Variants in LINGO2 observed in about 807,000 individuals in gnomAD.
LINGO2 encodes the protein leucine-rich repeat and immunoglobulin-like domain-containing nogo receptor-interacting protein 2.
In LINGO2, 14 loss-of-function variants were observed where a neutral mutation model predicts 30.6. The observed-to-expected ratio is 0.46, with a 90% CI of 0.30 to 0.72. LINGO2 has a LOEUF of 0.72. LINGO2 is among the 30% of genes least tolerant of loss of function. The pLI is 0.07. For synonymous variants in LINGO2, 317 were observed against 288.5 expected (o/e 1.10, Z -1.00); for missense variants, 729 against 751.7 (o/e 0.97, Z 0.35).
the LINGO2 span, among the ~76,000 whole-genome samples, chr9:29,021,759 G>C: frequency 6.7e-6 from 1 of 149,244 alleles, no homozygotes; most frequent in Non-Finnish European, 1.5e-5. Flanking sequence ...GCATTGACTA[G>C]TAATTCTAAG....
chr9:28,769,510 ATATATATATTTTTTTTTTTTTTTTT>A, the LINGO2 span, among the ~76,000 whole-genome samples: 23 of 2,400 alleles, frequency 9.6e-3, 2 homozygotes, highest in East Asian at 0.038. Flanking sequence ...ATATATATAT[ATATATATATTTTTTTTTTTTTTTTT>A]TTTTTTTTTT....
chr9:28,436,633 A>AT (rs1235946080), intron 2 of LINGO2, among the ~76,000 whole-genome samples: 2 of 151,820 alleles, frequency 1.3e-5, no homozygotes, highest in African/African-American at 2.4e-5. Flanking sequence ...AATTTTTTGT[A>AT]TTTTTAGTAG....
At chr9:27,995,427 A>G (rs1236358163) in intron 5 of LINGO2, among the ~76,000 whole-genome samples, 3 of 152,176 alleles carry the variant, frequency 2.0e-5, no homozygotes, top group Admixed American at 6.5e-5. Context: ...AAAGACGAAC[A>G]ATAAAAAACG....
At chr9:28,269,008 T>C (rs1239137388) in intron 4 of LINGO2, among the ~76,000 whole-genome samples, 1 of 152,080 alleles carries the variant, frequency 6.6e-6, no homozygotes, top group East Asian at 1.9e-4. Flanking sequence ...ATGCTGTTCT[T>C]CCTGGACTCC....
the LINGO2 span, among the ~76,000 whole-genome samples, chr9:28,790,961 T>TAA: frequency 6.6e-6 from 1 of 152,156 alleles, no homozygotes; most frequent in Non-Finnish European, 1.5e-5. Flanking sequence ...CATACTCTTA[T>TAA]AAGACTGATT....
At chr9:28,264,206 TAA>T (rs1392511944) in intron 4 of LINGO2, among the ~76,000 whole-genome samples, 1 of 152,002 alleles carries the variant, frequency 6.6e-6, no homozygotes, top group Non-Finnish European at 1.5e-5. Context: ...AGCTTTTCTA[TAA>T]AGTCTCATAT....
chr9:28,575,032 A>G (rs1465125145), intron 1 of LINGO2, among the ~76,000 whole-genome samples: 1 of 152,242 alleles, frequency 6.6e-6, no homozygotes, highest in South Asian at 2.1e-4. Flanking sequence ...AGCTTTTAAA[A>G]GAACAAAATT....
the LINGO2 span, among the ~76,000 whole-genome samples, chr9:28,928,640 G>C: frequency 6.6e-6 from 1 of 152,090 alleles, no homozygotes; most frequent in Admixed American, 6.6e-5. Flanking sequence ...GCTTTGGCCA[G>C]GACATGAAAA....
intron 2 of LINGO2, among the ~76,000 whole-genome samples, chr9:28,418,409 G>A (rs10968580): frequency 0.3 from 44,552 of 150,856 alleles, 7,670 homozygotes; most frequent in Middle Eastern, 0.38. Context: ...CTCCTGAGTC[G>A]CTAGGATTAC....
the LINGO2 span, among the ~76,000 whole-genome samples, chr9:28,966,816 C>T: frequency 9.2e-5 from 14 of 152,034 alleles, no homozygotes; most frequent in Non-Finnish European, 1.9e-4. Flanking sequence ...CAGTTAAAAG[C>T]AGCATTATTT....
intron 3 of LINGO2, among the ~76,000 whole-genome samples, chr9:28,323,038 C>A (rs1477204297): frequency 6.6e-6 from 1 of 152,222 alleles, no homozygotes; most frequent in African/African-American, 2.4e-5. Context: ...GGGAGTTAAC[C>A]TGGAATCACA....
At chr9:28,070,089 G>T (rs1454959087) in intron 4 of LINGO2, among the ~76,000 whole-genome samples, 1 of 152,134 alleles carries the variant, frequency 6.6e-6, no homozygotes, top group Admixed American at 6.5e-5. Flanking sequence ...GGTTTCGCCA[G>T]ATCACCTAAA....
intron 1 of LINGO2, among the ~76,000 whole-genome samples, chr9:28,648,609 C>G (rs930869457): frequency 2.0e-5 from 3 of 152,040 alleles, no homozygotes; most frequent in Non-Finnish European, 4.4e-5. Flanking sequence ...GTTTAATTTT[C>G]ATATCCAATC....
At chr9:28,262,104 G>A (rs549115130) in intron 4 of LINGO2, among the ~76,000 whole-genome samples, 2 of 151,946 alleles carry the variant, frequency 1.3e-5, no homozygotes, top group African/African-American at 4.8e-5. Flanking sequence ...CTTCCTTTTA[G>A]GGTTATGTAA....
intron 1 of LINGO2, among the ~76,000 whole-genome samples, chr9:28,608,107 C>T (rs1364231620): frequency 6.6e-6 from 1 of 151,252 alleles, no homozygotes; most frequent in Non-Finnish European, 1.5e-5. Context: ...TGAAGTAATA[C>T]TGTTTTCACA....
rs181916811 is a variant in LINGO2 at position 28,363,872 on chromosome 9, C to T, written c.-246+8964G>A. ...TTTTAGCCTATATTCACAGTATGTT[C>T]TCGGCATTACCTTTGTCTCCAAACA... On this transcript the variant is annotated intron_variant, in intron 3 of 5. Coordinates refer to ENST00000379992, the Ensembl canonical transcript of LINGO2. 4.7e-3 allele frequency among the ~76,000 whole-genome samples: 718 copies of T among 151,606 alleles called. 6 individuals are homozygous for T. Among genetic ancestry groups the T allele is most frequent in the Admixed American group, 9.6e-3 (146 of 15,218 alleles).
chr9:28,952,020 C>T, the LINGO2 span, among the ~76,000 whole-genome samples: 1 of 151,906 alleles, frequency 6.6e-6, no homozygotes. Context: ...GTCAGAATGG[C>T]GATTATTAAA....
At chr9:28,996,713 A>C in the LINGO2 span, among the ~76,000 whole-genome samples, 52 of 152,232 alleles carry the variant, frequency 3.4e-4, no homozygotes, top group Non-Finnish European at 6.9e-4. Flanking sequence ...AGATTTATCA[A>C]GGAAGGGATT....
chr9:27,970,708 A>G (rs1284564543), intron 5 of LINGO2, among the ~76,000 whole-genome samples: 5 of 152,168 alleles, frequency 3.3e-5, no homozygotes, highest in Non-Finnish European at 5.9e-5. Context: ...GACTAATAAG[A>G]GTGAACTATG....
Sources: gnomAD v4.1 joint callset for allele counts (sites outside exome capture counted in the v4.1 genomes callset) on GRCh38, gnomAD v4.1.1 for gene constraint, MANE v1.5 for transcripts, NCBI Gene and HGNC (gene_info 2026-07-23, HGNC 2026-07-21) for gene names.